FXYD3: variants seen among roughly 807,000 people sequenced by gnomAD.
The protein encoded by FXYD3 is FXYD domain-containing ion transport regulator 3.
FXYD3 carries 13 observed loss-of-function variants against 19.2 expected under a neutral mutation model. The observed-to-expected ratio is 0.68, with a 90% CI of 0.44 to 1.08. The LOEUF (loss-of-function observed/expected upper bound fraction) is 1.08. Ranked by LOEUF, FXYD3 falls within the 50% of genes least tolerant of loss-of-function variation. The probability of loss-of-function intolerance (pLI) is 0.00; values close to 1 mark genes in which losing one functional copy is unlikely to be tolerated. For missense variants in FXYD3, 101 were observed against 109.4 expected (o/e 0.92, Z 0.34); for synonymous variants, 48 against 38.9 (o/e 1.23, Z -0.87).
In FXYD3 at chr19:35,116,478, T is replaced by G. The variant is rs932707474; in HGVS notation, c.-15+119T>G. 7.8e-5 allele frequency: 77 copies of G among 985,302 alleles called. No individual in the cohort carries two copies. In the Middle Eastern group the frequency reaches 1.5e-3, roughly 20 times the overall value. 61.0% of individuals were successfully genotyped at this position (985,302 alleles called of 1,614,324 possible). A position where few individuals can be genotyped will look rare whatever the true frequency, so the allele number is the denominator to read the frequency against. On this transcript the variant is annotated intron_variant, in intron 2 of 8. Transcript: ENST00000604404. ...CTTTTATGTTAAAGCGCCTAAAATCTTGTGAAATGCTTTTCTGGAGCCAGG... is the reference window on the plus strand; with the variant it reads ...CTTTTATGTTAAAGCGCCTAAAATCGTGTGAAATGCTTTTCTGGAGCCAGG...
rs2065109637 is a variant in FXYD3 at position 35,124,234 on chromosome 19, A to T, written c.*777A>T. 6.6e-6 allele frequency: 1 copy of T among 152,328 alleles called. No individual in the cohort carries two copies. Among genetic ancestry groups the T allele is most frequent in the African/African-American group, 2.4e-5 (1 of 41,454 alleles). The allele number at this position is 152,328 out of a possible 1,614,324, so 9.4% of individuals were successfully genotyped here. ...TCATGAACTACCCCACAACACGCCT[A>T]AAACTCAAAACACCCAAAAATATCT... On this transcript the variant is annotated 3_prime_UTR_variant, in exon 9 of 9. Coordinates refer to ENST00000604404, the MANE Select transcript of FXYD3 (RefSeq NM_005971.4).
intron 2 of FXYD3, chr19:35,116,943 A>G (rs1422644552): frequency 1.0e-6 from 1 of 985,206 alleles, no homozygotes; most frequent in Non-Finnish European, 1.2e-6. Context: ...CACAGCGGGC[A>G]GGATCTTTCT....
intron 2 of FXYD3, chr19:35,117,206 TC>T: frequency 7.0e-7 from 1 of 1,426,930 alleles, no homozygotes; most frequent in Middle Eastern, 2.3e-4. Flanking sequence ...CAGACCCAGC[TC>T]CCGGCTCCCT....
Position 35,122,571 on chromosome 19 carries a change from G to C in FXYD3, c.98-194G>C, listed in dbSNP as rs2065066555. 9 of 588,502 alleles carry C rather than the reference G, an allele frequency of 1.5e-5. No individual in the cohort carries two copies. In the South Asian group the frequency reaches 1.6e-4, roughly 11 times the overall value. The allele number at this position is 588,502 out of a possible 1,614,324, so 36.5% of individuals were successfully genotyped here. On this transcript the variant is annotated intron_variant, in intron 5 of 8. Coordinates refer to ENST00000604404, the MANE Select transcript of FXYD3 (RefSeq NM_005971.4). ...TTCTTCAAACCACTTATCTCTGCCT[G>C]ACCCTGCACGACAGATCGTGTTTGC...
chr19:35,116,691 AGG>A (rs1354924340), intron 2 of FXYD3: 3 of 982,680 alleles, frequency 3.1e-6, no homozygotes, highest in African/African-American at 3.6e-5. Flanking sequence ...GTGCCTGGGT[AGG>A]TAGGGGTATC....
rs182327242 is a variant in FXYD3 at position 35,123,436 on chromosome 19, C to T, written c.248-5C>T. On this transcript the variant is annotated splice_polypyrimidine_tract_variant and splice_region_variant and intron_variant, in intron 8 of 8. Coordinates refer to ENST00000604404, the MANE Select transcript of FXYD3 (RefSeq NM_005971.4). The stretch of plus-strand genomic sequence containing the variant: ...CTCACAAACGGACCCCATCACTTCC[C>T]GCAGGCTCAGCCCAAAGCTGATGAG... The T allele has an allele frequency of 2.0e-3, 3,225 of 1,614,034 alleles. 6 individuals carry two copies. The highest frequency in any genetic ancestry group is 3.2e-3 in the African/African-American group (237 of 75,012).
At chr19:35,117,506 T>A in intron 2 of FXYD3, 1 of 886,312 alleles carries the variant, frequency 1.1e-6, no homozygotes, top group Non-Finnish European at 1.6e-6. Flanking sequence ...ATTGAGCGAG[T>A]AAGTGGGAAG....
At chr19:35,116,121 T>C (rs1303107143) in intron 1 of FXYD3, 143 bp from the exon 2 acceptor site, 2 of 474,466 alleles carry the variant, frequency 4.2e-6, no homozygotes, top group Non-Finnish European at 5.5e-6. Flanking sequence ...CAATTCTCCG[T>C]CTCACCTGAG....
intron 5 of FXYD3, chr19:35,121,557 C>G: frequency 7.1e-7 from 1 of 1,406,980 alleles, no homozygotes; most frequent in South Asian, 1.6e-5. Context: ...AGGTGGTGAG[C>G]TATTGGATCA....
At chr19:35,117,766 G>GAAAAAAAAAAAAAA (rs1555731001) in intron 2 of FXYD3, among the ~76,000 whole-genome samples, 3 of 18,408 alleles carry the variant, frequency 1.6e-4, no homozygotes, top group Non-Finnish European at 2.3e-4. Flanking sequence ...GCAAAAAAAG[G>GAAAAAAAAAAAAAA]AAAAGAAATG....
chr19:35,123,042 G>C (rs917607793), intron 7 of FXYD3, 88 bp downstream of exon 7: 15 of 1,486,256 alleles, frequency 1.0e-5, no homozygotes, highest in Non-Finnish European at 1.3e-5. Context: ...GAGAGGCCTC[G>C]GGGCTCTGCC....
chr19:35,120,955 T>C, intron 3 of FXYD3, 123 bp from the exon 4 acceptor site: 1 of 987,532 alleles, frequency 1.0e-6, no homozygotes. Context: ...GGCTGCTCAG[T>C]GACAGGACCC....
In FXYD3 at chr19:35,123,563, G is replaced by C; in HGVS notation, c.*106G>C. The C allele has an allele frequency of 1.7e-6, 2 of 1,200,396 alleles. No homozygotes were observed. Among genetic ancestry groups the C allele is most frequent in the East Asian group, 4.8e-5 (2 of 41,850 alleles). The allele number at this position is 1,200,396 out of a possible 1,614,324, so 74.4% of individuals were successfully genotyped here. ...GGATGGAATTCTTCCTCCTCTGCTGGGACTCCTTTGCATGGCAGGGCCTCA... is the reference window on the plus strand; with the variant it reads ...GGATGGAATTCTTCCTCCTCTGCTGCGACTCCTTTGCATGGCAGGGCCTCA... On this transcript the variant is annotated 3_prime_UTR_variant, in exon 9 of 9. Coordinates refer to ENST00000604404, the MANE Select transcript of FXYD3 (RefSeq NM_005971.4).
Position 35,123,624 on chromosome 19 carries a change from T to A in FXYD3, c.*167T>A, listed in dbSNP as rs1438392863. 1.0e-5 allele frequency: 7 copies of A among 690,738 alleles called. No homozygotes were observed. In the East Asian group the frequency reaches 1.6e-4, roughly 16 times the overall value. 42.8% of individuals were successfully genotyped at this position (690,738 alleles called of 1,614,324 possible). On this transcript the variant is annotated 3_prime_UTR_variant, in exon 9 of 9. Coordinates refer to ENST00000604404, the MANE Select transcript of FXYD3 (RefSeq NM_005971.4). ...CGCAAGAGGGTCTCTTTGTTCAATT[T>A]TTTTTAATCTAAAATGATTGTGCCT...
At chr19:35,119,640 C>T in intron 3 of FXYD3, 1 of 468,120 alleles carries the variant, frequency 2.1e-6, no homozygotes, top group Admixed American at 5.0e-5. Flanking sequence ...CTCTCGATCT[C>T]TTCTTTTTTT....
chr19:35,119,980 T>G (rs967185294), intron 3 of FXYD3: 1 of 152,524 alleles, frequency 6.6e-6, no homozygotes, highest in Non-Finnish European at 1.5e-5. Context: ...CTTGATTGAC[T>G]ATTAAACAGA....
At chr19:35,118,948 C>A (rs897932538) in intron 2 of FXYD3, among the ~76,000 whole-genome samples, 9 of 152,330 alleles carry the variant, frequency 5.9e-5, no homozygotes, top group African/African-American at 1.9e-4. Context: ...CACCCCAAGG[C>A]CCTGACAGTC....
intron 7 of FXYD3, 132 bp downstream of exon 7, chr19:35,123,086 T>G (rs1008332035): frequency 8.2e-6 from 12 of 1,458,054 alleles, no homozygotes; most frequent in Non-Finnish European, 1.1e-5. Flanking sequence ...TTTCCAGGTT[T>G]ATTGTTTCTA....
intron 2 of FXYD3, chr19:35,118,657 G>C (rs1406973706): frequency 3.6e-6 from 3 of 825,796 alleles, no homozygotes; most frequent in African/African-American, 3.7e-5. Context: ...CTGGGACCGG[G>C]AAGGGCATGG....
Sources: allele counts gnomAD v4.1 joint callset (sites outside exome capture counted in the v4.1 genomes callset), GRCh38; gene constraint gnomAD v4.1.1; transcripts MANE v1.5; gene names NCBI Gene and HGNC (gene_info 2026-07-23, HGNC 2026-07-21).